WDR7: variants seen among roughly 807,000 people sequenced by gnomAD.
WDR7 encodes WD repeat-containing protein 7.
Under a neutral mutation model 169.4 loss-of-function variants are expected in WDR7, and 46 were observed. The observed-to-expected ratio is 0.27, with a 90% CI of 0.21 to 0.35. The LOEUF is 0.35. Ranked by LOEUF, WDR7 falls within the 10% of genes least tolerant of loss-of-function variation. WDR7 has a pLI of 1.00. For synonymous variants in WDR7, 612 were observed against 666.8 expected, an observed-to-expected ratio of 0.92 and a Z score of 1.27; for missense variants, 1,534 against 1,859.3, an observed-to-expected ratio of 0.83 and a Z score of 3.22.
At chr18:56,921,642 G>T (rs2046722691) in intron 21 of WDR7, among the ~76,000 whole-genome samples, 2 of 152,184 alleles carry the variant, frequency 1.3e-5, no homozygotes, top group Non-Finnish European at 2.9e-5. Flanking sequence ...TAGAGCCAGG[G>T]TCTTCTGAAA....
intron 23 of WDR7, among the ~76,000 whole-genome samples, chr18:56,937,379 A>G (rs1359965818): frequency 6.7e-6 from 1 of 149,402 alleles, no homozygotes; most frequent in East Asian, 1.9e-4. Flanking sequence ...ATATTATATA[A>G]TAAAAAATAA....
At chr18:56,774,838 A>G (rs374948825) in intron 16 of WDR7, among the ~76,000 whole-genome samples, 2 of 152,074 alleles carry the variant, frequency 1.3e-5, no homozygotes, top group South Asian at 4.1e-4. Flanking sequence ...TTTCTATTAC[A>G]ATATTTTTCT....
intron 13 of WDR7, among the ~76,000 whole-genome samples, chr18:56,719,246 A>G (rs1328307490): frequency 9.2e-5 from 14 of 152,154 alleles, no homozygotes. Context: ...ATGTCTTTCT[A>G]ATCTCTTTCT....
intron 12 of WDR7, among the ~76,000 whole-genome samples, chr18:56,704,900 A>AT (rs2025914030): frequency 6.6e-6 from 1 of 152,202 alleles, no homozygotes; most frequent in African/African-American, 2.4e-5. Flanking sequence ...TTGACTTTTT[A>AT]TTTTGGACTG....
At chr18:56,930,004 G>A (rs995684031) in intron 22 of WDR7, among the ~76,000 whole-genome samples, 3 of 152,086 alleles carry the variant, frequency 2.0e-5, no homozygotes, top group Admixed American at 6.5e-5. Context: ...CATTTGCCTC[G>A]TTCATGTGGC....
chr18:56,685,623 A>T (rs958112873), intron 5 of WDR7, among the ~76,000 whole-genome samples: 3 of 152,234 alleles, frequency 2.0e-5, no homozygotes, highest in Non-Finnish European at 4.4e-5. Context: ...GAGCTCATCC[A>T]TGATAAAGAA....
At chr18:56,685,767 G>T (rs17090315) in intron 5 of WDR7, among the ~76,000 whole-genome samples, 189 bp from the exon 6 acceptor site, 1,849 of 152,276 alleles carry the variant, frequency 0.012, 52 homozygotes, top group African/African-American at 0.043. Context: ...TGAATTTTAA[G>T]TTGTTGGCCA....
In WDR7 at chr18:56,718,125, A is replaced by C. The variant is rs2026233361; in HGVS notation, c.1740A>C (p.Ser580=). The change falls in exon 13 of 28, where the codon TCA becomes TCC. Residue 580 remains serine, a synonymous_variant. Coordinates refer to ENST00000254442, the MANE Select transcript of WDR7 (RefSeq NM_015285.3). ...ATGATTACCTGGTGGTGGGGTGTTC[A>C]GATGGTTCTGTGTACGTCTGGCAAA... The part of the protein sequence containing the change: ...PSDDYLVVGC[S]DGSVYVWQMD... 1.9e-6 allele frequency: 3 copies of C among 1,613,970 alleles called. No homozygotes were observed. Among genetic ancestry groups the C allele is most frequent in the Admixed American group, 1.7e-5 (1 of 59,994 alleles).
intron 20 of WDR7, among the ~76,000 whole-genome samples, chr18:56,865,342 A>C (rs2045867743): frequency 6.6e-6 from 1 of 152,142 alleles, no homozygotes; most frequent in South Asian, 2.1e-4. Flanking sequence ...ACAGTGCTGT[A>C]TTGATTTCAT....
At chr18:56,695,537 C>CTTT (rs774362260) in intron 11 of WDR7, among the ~76,000 whole-genome samples, 1 of 139,482 alleles carries the variant, frequency 7.2e-6, no homozygotes. Context: ...CAATAGAAAT[C>CTTT]TTTTTTTTTT....
chr18:56,898,779 T>C (rs2046363266), intron 21 of WDR7, among the ~76,000 whole-genome samples: 1 of 151,944 alleles, frequency 6.6e-6, no homozygotes. Flanking sequence ...GATCTAGAAG[T>C]GGATGTGGGA....
At chr18:56,720,301 T>G (rs1158794459) in intron 13 of WDR7, among the ~76,000 whole-genome samples, 1 of 151,184 alleles carries the variant, frequency 6.6e-6, no homozygotes, top group African/African-American at 2.4e-5. Context: ...AATACAAAAA[T>G]TAGCTGGGTG....
intron 19 of WDR7, among the ~76,000 whole-genome samples, chr18:56,787,201 A>G (rs2044414379): frequency 6.6e-6 from 1 of 152,064 alleles, no homozygotes; most frequent in South Asian, 2.1e-4. Flanking sequence ...TCAGTTGGTG[A>G]TGACTCTGAG....
intron 19 of WDR7, among the ~76,000 whole-genome samples, chr18:56,795,373 A>G (rs903960960): frequency 6.6e-6 from 1 of 152,196 alleles, no homozygotes; most frequent in Non-Finnish European, 1.5e-5. Flanking sequence ...AGTGCTAGAT[A>G]TGCGTCTTGC....
At chr18:56,999,272 A>G (rs185558253) in intron 26 of WDR7, among the ~76,000 whole-genome samples, 39 of 152,296 alleles carry the variant, frequency 2.6e-4, no homozygotes, top group African/African-American at 7.9e-4. Flanking sequence ...AAGCCTGGTG[A>G]AGAATTTAGG....
chr18:56,889,791 G>A (rs10048295), intron 21 of WDR7, among the ~76,000 whole-genome samples: 3 of 152,096 alleles, frequency 2.0e-5, no homozygotes, highest in Non-Finnish European at 2.9e-5. Context: ...CTGTGAATAC[G>A]GACATCTATT....
chr18:56,843,809 T>G (rs2045523270), intron 20 of WDR7, among the ~76,000 whole-genome samples: 1 of 152,026 alleles, frequency 6.6e-6, no homozygotes, highest in Non-Finnish European at 1.5e-5. Flanking sequence ...CATTATAGTC[T>G]CAGTTTCTCC....
At chr18:56,941,352 A>G (rs565878444) in intron 25 of WDR7, among the ~76,000 whole-genome samples, 1 of 152,298 alleles carries the variant, frequency 6.6e-6, no homozygotes, top group East Asian at 1.9e-4. Context: ...GCCAAATGGA[A>G]AGAGGGATTT....
intron 7 of WDR7, among the ~76,000 whole-genome samples, chr18:56,688,635 A>G (rs2025496903): frequency 6.6e-6 from 1 of 151,454 alleles, no homozygotes; most frequent in South Asian, 2.1e-4. Context: ...AGACTGAGGC[A>G]GAATAATTAC....
Sources: allele counts gnomAD v4.1 joint callset (sites outside exome capture counted in the v4.1 genomes callset), GRCh38; gene constraint gnomAD v4.1.1; transcripts MANE v1.5; gene names NCBI Gene and HGNC (gene_info 2026-07-23, HGNC 2026-07-21).